Variants in LUZP1 observed in about 807,000 individuals in gnomAD.
The protein encoded by LUZP1 is leucine zipper protein 1, also known as filamin mechanobinding actin cross-linking protein.
LUZP1 carries 25 observed loss-of-function variants against 71.3 expected under a neutral mutation model. That is an observed-to-expected ratio of 0.35 (90% CI 0.26 to 0.49). The LOEUF (loss-of-function observed/expected upper bound fraction) is 0.49, where lower values mean the gene tolerates loss of function less well. Among genes scored for constraint, LUZP1 ranks in the 20% least tolerant of loss-of-function variants. The pLI, the probability that LUZP1 is intolerant of heterozygous loss-of-function variation, is 0.99. For synonymous variants in LUZP1, 481 were observed against 506.4 expected, an observed-to-expected ratio of 0.95 and a Z score of 0.67; for missense variants, 1,142 against 1,300.8, an observed-to-expected ratio of 0.88 and a Z score of 1.88.
At chr1:23,121,805 A>C (rs1255994132) in intron 2 of LUZP1, among the ~76,000 whole-genome samples, 1 of 152,198 alleles carries the variant, frequency 6.6e-6, no homozygotes, top group African/African-American at 2.4e-5. Context: ...TGAGGTCAGG[A>C]GTTTGAGACC....
intron 2 of LUZP1, among the ~76,000 whole-genome samples, chr1:23,138,697 GTATATA>G (rs59486855): frequency 0.023 from 3,086 of 135,800 alleles, 83 homozygotes; most frequent in East Asian, 0.094. Flanking sequence ...GTGTGTGTGT[GTATATA>G]TATATATATA....
chr1:23,094,092 C>G lies in LUZP1; in HGVS notation c.170G>C (p.Ser57Thr). 5 of 1,614,196 alleles carry G rather than the reference C, an allele frequency of 3.1e-6. No individual in the cohort carries two copies. Among genetic ancestry groups the G allele is most frequent in the Non-Finnish European group, 4.2e-6 (5 of 1,180,022 alleles). The change falls in exon 4 of 5, where the codon AGC (serine) becomes ACC (threonine). Residue 57 changes from serine (S) to threonine (T), a missense_variant. Ser to Thr is a moderately conservative substitution (Grantham distance 58, BLOSUM62 1). Transcript: ENST00000302291. The surrounding 1 kb of genome is among the most constrained non-coding windows in gnomAD (Gnocchi z 4.7). Reference sequence around the variant, plus strand: ...AATCTCCGCCAACATGCTGGAGTTGCTACCTTCTGCCTGAATCACCTTGTC... The same window carrying G: ...AATCTCCGCCAACATGCTGGAGTTGGTACCTTCTGCCTGAATCACCTTGTC...
chr1:23,146,062 C>A (rs867068973), intron 2 of LUZP1, among the ~76,000 whole-genome samples: 4 of 152,084 alleles, frequency 2.6e-5, no homozygotes, highest in Admixed American at 6.6e-5. Flanking sequence ...GACAGAGTCT[C>A]CCTCTGTCAC....
At chr1:23,128,906 T>C (rs1644193008) in intron 2 of LUZP1, among the ~76,000 whole-genome samples, 1 of 152,254 alleles carries the variant, frequency 6.6e-6, no homozygotes, top group African/African-American at 2.4e-5. Context: ...CTTCCAGCTA[T>C]AAAAGCTGTG....
intron 2 of LUZP1, among the ~76,000 whole-genome samples, chr1:23,135,129 T>A (rs1459275701): frequency 6.6e-6 from 1 of 152,194 alleles, no homozygotes; most frequent in African/African-American, 2.4e-5. Context: ...TGGGGCTAAA[T>A]GTGTTTTGAA....
chr1:23,114,483 CTAGG>C (rs1188738096), intron 2 of LUZP1, among the ~76,000 whole-genome samples: 1 of 152,130 alleles, frequency 6.6e-6, no homozygotes, highest in Non-Finnish European at 1.5e-5. Flanking sequence ...ATGAACCAAC[CTAGG>C]TGGTTTTAAA....
chr1:23,156,728 G>A (rs1299482263), intron 2 of LUZP1, among the ~76,000 whole-genome samples: 1 of 152,140 alleles, frequency 6.6e-6, no homozygotes, highest in East Asian at 1.9e-4. Context: ...TGGGATGACT[G>A]GGCGCATCTT....
At chr1:23,163,262 T>C (rs187544912) in intron 2 of LUZP1, among the ~76,000 whole-genome samples, 5 of 136,628 alleles carry the variant, frequency 3.7e-5, no homozygotes, top group African/African-American at 1.4e-4. Context: ...AAAAAAAGCA[T>C]GTTGGGGCCA....
At chr1:23,087,175 TCA>T (rs1324132365) in exon 5 of LUZP1, 1 of 152,152 alleles carries the variant, frequency 6.6e-6, no homozygotes, top group Admixed American at 6.5e-5. Flanking sequence ...ACAAAGAGCC[TCA>T]GAGACCATCC....
chr1:23,151,355 T>G (rs1028477981), intron 2 of LUZP1, among the ~76,000 whole-genome samples: 5 of 152,162 alleles, frequency 3.3e-5, no homozygotes, highest in African/African-American at 1.2e-4. Flanking sequence ...TAACTGGGTC[T>G]TCTAAGCCCC....
intron 3 of LUZP1, among the ~76,000 whole-genome samples, chr1:23,097,814 C>T (rs1233403059): frequency 6.6e-6 from 1 of 152,094 alleles, no homozygotes; most frequent in African/African-American, 2.4e-5. Flanking sequence ...TGTACTCCAG[C>T]CAGGGTGACA....
intron 1 of LUZP1, among the ~76,000 whole-genome samples, chr1:23,175,155 T>G (rs1015522287): frequency 5.3e-5 from 8 of 152,082 alleles, no homozygotes; most frequent in Admixed American, 5.2e-4. Flanking sequence ...CACTTACTGG[T>G]CACACATCTA....
At chr1:23,144,776 A>T (rs753709397) in intron 2 of LUZP1, among the ~76,000 whole-genome samples, 1 of 152,226 alleles carries the variant, frequency 6.6e-6, no homozygotes, top group Non-Finnish European at 1.5e-5. Context: ...TCCTGCTTAT[A>T]TAAGAGAGGT....
intron 2 of LUZP1, among the ~76,000 whole-genome samples, chr1:23,142,540 C>T (rs1644311330): frequency 6.6e-6 from 1 of 151,862 alleles, no homozygotes; most frequent in African/African-American, 2.4e-5. Context: ...TATGTGGCCT[C>T]GGGATAATCT....
At chr1:23,155,508 C>T (rs1277700871) in intron 2 of LUZP1, among the ~76,000 whole-genome samples, 2 of 152,084 alleles carry the variant, frequency 1.3e-5, no homozygotes, top group Non-Finnish European at 2.9e-5. Context: ...AATAGTTATC[C>T]TCATTAATAT....
exon 5 of LUZP1, chr1:23,088,076 TG>T (rs951562979): frequency 3.3e-5 from 5 of 152,696 alleles, no homozygotes; most frequent in African/African-American, 7.2e-5. Context: ...GTGGAAACAA[TG>T]AAGTCAGCTT....
chr1:23,148,631 T>A (rs1413517618), intron 2 of LUZP1, among the ~76,000 whole-genome samples: 2 of 152,162 alleles, frequency 1.3e-5, no homozygotes, highest in East Asian at 3.8e-4. Flanking sequence ...CTACTGAGAT[T>A]CTCAGTGTAA....
chr1:23,172,022 T>C (rs749625304), intron 1 of LUZP1, among the ~76,000 whole-genome samples: 26 of 152,192 alleles, frequency 1.7e-4, no homozygotes, highest in Non-Finnish European at 3.1e-4. Flanking sequence ...TCTCTGCACC[T>C]CAGTTTCTCA....
intron 3 of LUZP1, among the ~76,000 whole-genome samples, chr1:23,106,877 CA>C (rs1643986451): frequency 6.6e-6 from 1 of 152,184 alleles, no homozygotes; most frequent in Non-Finnish European, 1.5e-5. Context: ...TTTAAAACAT[CA>C]GTCAGATCAA....
Sources: allele counts gnomAD v4.1 joint callset (sites outside exome capture counted in the v4.1 genomes callset), GRCh38; gene constraint gnomAD v4.1.1; non-coding constraint Gnocchi (gnomAD v3.1); transcripts MANE v1.5; gene names NCBI Gene and HGNC (gene_info 2026-07-23, HGNC 2026-07-21).